The following CHUK variants were observed in gnomAD, a reference collection of about 807,000 sequenced individuals.
The protein encoded by CHUK is component of inhibitor of nuclear factor kappa B kinase complex.
Under a neutral mutation model 104.8 loss-of-function variants are expected in CHUK, and 35 were observed. The observed-to-expected ratio is 0.33, with a 90% CI of 0.26 to 0.44. CHUK has a LOEUF of 0.44. Ranked by LOEUF, CHUK falls within the 20% of genes least tolerant of loss-of-function variation. The pLI is 1.00. For synonymous variants in CHUK, 276 were observed against 291.9 expected (o/e 0.95, Z 0.56); for missense variants, 663 against 902.7 (o/e 0.73, Z 3.40).
intron 19 of CHUK, among the ~76,000 whole-genome samples, chr10:100,192,110 T>TC (rs926519873): frequency 1.3e-5 from 2 of 152,308 alleles, no homozygotes; most frequent in African/African-American, 4.8e-5. Flanking sequence ...AGAATGAGAC[T>TC]CCGTCTCAAA....
intron 1 of CHUK, among the ~76,000 whole-genome samples, chr10:100,227,280 A>C (rs1846126263): frequency 6.6e-6 from 1 of 152,246 alleles, no homozygotes; most frequent in Non-Finnish European, 1.5e-5. Context: ...AAAAGTCGGA[A>C]TATTCTGGAG....
In CHUK at chr10:100,229,440, C is replaced by G; in HGVS notation, c.93G>C (p.Leu31=). The change falls in exon 1 of 21, where the codon CTG becomes CTC. Residue 31 remains leucine (L), a synonymous_variant. Coordinates refer to ENST00000370397, the MANE Select transcript of CHUK (RefSeq NM_001278.5). ...LGTGGFGNVC[L]YQHRELDLKI... Reference sequence around the variant, plus strand: ...CGCCCCGCCTCACCCGATGCTGGTACAGACAGACGTTCCCGAAGCCGCCGG... The same window carrying G: ...CGCCCCGCCTCACCCGATGCTGGTAGAGACAGACGTTCCCGAAGCCGCCGG... 1 of 1,604,064 alleles carries G rather than the reference C, an allele frequency of 6.2e-7. No homozygotes were observed. Among genetic ancestry groups the G allele is most frequent in the Non-Finnish European group, 8.5e-7 (1 of 1,178,164 alleles).
At chr10:100,191,341 T>C (rs1411661110) in intron 19 of CHUK, among the ~76,000 whole-genome samples, 2 of 152,234 alleles carry the variant, frequency 1.3e-5, no homozygotes, top group African/African-American at 4.8e-5. Flanking sequence ...TACTTCTCTT[T>C]CCTTAAAAGT....
chr10:100,203,333 T>A (rs777518716), intron 13 of CHUK, among the ~76,000 whole-genome samples: 1 of 152,118 alleles, frequency 6.6e-6, no homozygotes, highest in Non-Finnish European at 1.5e-5. Context: ...AACAATTGTA[T>A]AATAAGCCTT....
At chr10:100,210,093 T>TTATTTTTA (rs1491110452) in intron 9 of CHUK, among the ~76,000 whole-genome samples, 1 of 103,514 alleles carries the variant, frequency 9.7e-6, no homozygotes, top group African/African-American at 3.3e-5. Flanking sequence ...ATTTATTTAT[T>TTATTTTTA]TTTTTTTTTT....
In CHUK at chr10:100,224,990, C is replaced by T. The variant is rs143948565; in HGVS notation, c.200+933G>A. 2.3e-3 allele frequency among the ~76,000 whole-genome samples: 354 copies of T among 151,948 alleles called. 4 individuals are homozygous for T. The highest frequency in any genetic ancestry group is 0.02 in the East Asian group (102 of 5,144). The stretch of plus-strand genomic sequence containing the variant: ...TCAGCCTCCCAAGTAACTGGGACTA[C>T]GGGCATGCACCACCACACATAGCTA... On this transcript the variant is annotated intron_variant, in intron 2 of 20. Transcript: ENST00000370397.
At chr10:100,186,692 A>C (rs932593823), downstream of CHUK, 2 of 152,236 alleles carry the variant, frequency 1.3e-5, no homozygotes, top group African/African-American at 2.4e-5. Flanking sequence ...GCGTCACTAC[A>C]TATTCTGTTC....
At chr10:100,223,639 GC>G (rs2134250022) in intron 2 of CHUK, among the ~76,000 whole-genome samples, 1 of 151,940 alleles carries the variant, frequency 6.6e-6, no homozygotes, top group Admixed American at 6.6e-5. Flanking sequence ...AGAAAAAGAA[GC>G]AAACAGAATT....
Position 100,204,505 on chromosome 10 carries a change from C to A in CHUK, c.1507+1G>T. On this transcript the variant is annotated splice_donor_variant, in intron 13 of 20. Coordinates refer to ENST00000370397, the MANE Select transcript of CHUK (RefSeq NM_001278.5). LOFTEE classifies it high-confidence loss of function. ...TTCAAATACATTACACAGACACTTA[C>A]ATATCCCATACGTCATCTGCTCGCT... 1 of 1,612,728 alleles carries A rather than the reference C, an allele frequency of 6.2e-7. No individual in the cohort carries two copies. Among genetic ancestry groups the A allele is most frequent in the Non-Finnish European group, 8.5e-7 (1 of 1,178,924 alleles).
At chr10:100,208,081 T>G (rs1331460599) in intron 10 of CHUK, among the ~76,000 whole-genome samples, 3 of 152,192 alleles carry the variant, frequency 2.0e-5, no homozygotes, top group Non-Finnish European at 4.4e-5. Flanking sequence ...CACAGTAGTT[T>G]CAGAGTACTG....
intron 10 of CHUK, among the ~76,000 whole-genome samples, chr10:100,208,112 A>T (rs565329594): frequency 6.7e-6 from 1 of 148,946 alleles, no homozygotes; most frequent in Non-Finnish European, 1.5e-5. Flanking sequence ...ACAAAAAGAA[A>T]TTTTTTTTTT....
chr10:100,205,840 A>C (rs1845576788), intron 11 of CHUK, among the ~76,000 whole-genome samples: 1 of 152,220 alleles, frequency 6.6e-6, no homozygotes, highest in Non-Finnish European at 1.5e-5. Context: ...AGACAGGAGA[A>C]TCGCTTGTAC....
At chr10:100,191,501 T>C (rs1845202709) in intron 19 of CHUK, among the ~76,000 whole-genome samples, 1 of 152,226 alleles carries the variant, frequency 6.6e-6, no homozygotes. Context: ...AGCTGATTCC[T>C]GAGGACAGCA....
At chr10:100,189,686 G>A (rs917405963) in intron 20 of CHUK, 59 bp from the exon 21 acceptor site, 4 of 1,260,368 alleles carry the variant, frequency 3.2e-6, no homozygotes, top group African/African-American at 3.0e-5. Flanking sequence ...TAAGTATATG[G>A]GTGTTCATTT....
chr10:100,215,481 A>G (rs965457013), intron 9 of CHUK, among the ~76,000 whole-genome samples: 2 of 152,110 alleles, frequency 1.3e-5, no homozygotes, highest in Non-Finnish European at 2.9e-5. Context: ...AGAACCAAGA[A>G]GAGACTCAGA....
intron 19 of CHUK, among the ~76,000 whole-genome samples, chr10:100,191,595 T>A (rs558821846): frequency 5.1e-4 from 77 of 152,322 alleles, no homozygotes; most frequent in African/African-American, 1.5e-3. Context: ...CTGATTGTGG[T>A]TTCTACCTTC....
chr10:100,218,586 A>G, intron 8 of CHUK, 132 bp downstream of exon 8: 3 of 718,556 alleles, frequency 4.2e-6, no homozygotes, highest in Non-Finnish European at 7.5e-6. Flanking sequence ...TGGCCAACAG[A>G]AATATAGAAG....
chr10:100,227,925 C>T (rs894493242), intron 1 of CHUK, among the ~76,000 whole-genome samples: 1 of 152,172 alleles, frequency 6.6e-6, no homozygotes, highest in South Asian at 2.1e-4. Context: ...CTTACCTGTT[C>T]ATCTTGTCCC....
intron 1 of CHUK, among the ~76,000 whole-genome samples, chr10:100,228,807 T>C (rs1277155369): frequency 3.3e-5 from 5 of 152,070 alleles, no homozygotes; most frequent in African/African-American, 4.8e-5. Context: ...TCTACTAATA[T>C]AGCCTTTCGT....
Sources: gnomAD v4.1 joint callset for allele counts (sites outside exome capture counted in the v4.1 genomes callset) on GRCh38, gnomAD v4.1.1 for gene constraint, MANE v1.5 for transcripts, NCBI Gene and HGNC (gene_info 2026-07-23, HGNC 2026-07-21) for gene names.